Variants in HTR2C observed in about 807,000 individuals in gnomAD.
HTR2C encodes 5-hydroxytryptamine receptor 2C, also known as 5-hydroxytryptamine (serotonin) receptor 2C, G protein-coupled.
A neutral mutation model predicts 21.0 loss-of-function variants in HTR2C; 5 were observed. The ratio of observed to expected loss-of-function variants is 0.24; its 90% CI spans 0.12 to 0.50. The LOEUF (loss-of-function observed/expected upper bound fraction) is 0.50. HTR2C is among the 20% of genes least tolerant of loss of function. The pLI, the probability that HTR2C is intolerant of heterozygous loss-of-function variation, is 0.98. For missense variants in HTR2C, 271 were observed against 371.2 expected (o/e 0.73, Z 2.22); for synonymous variants, 150 against 145.3 (o/e 1.03, Z -0.23).
Position 114,879,748 on chromosome X carries a change from C to T in HTR2C, c.551-26841C>T, listed in dbSNP as rs149813310. Among the ~76,000 whole-genome samples, 329 of 111,070 alleles carry T rather than the reference C, an allele frequency of 3.0e-3. 2 individuals carry two copies. The highest frequency in any genetic ancestry group is 0.01 in the African/African-American group (313 of 30,785). On this transcript the variant is annotated intron_variant, in intron 5 of 5. Coordinates refer to ENST00000276198, the MANE Select transcript of HTR2C (RefSeq NM_000868.4). ...AAATAGTCTGCAGTTCCATCCAGTT[C>T]GCTGCAAATGCCATTAATTTGTTCC...
At chrX:114,797,482 T>C (rs1164812907) in intron 4 of HTR2C, among the ~76,000 whole-genome samples, 7 of 111,749 alleles carry the variant, frequency 6.3e-5, no homozygotes, top group Non-Finnish European at 1.1e-4. Flanking sequence ...TGGTCAACAC[T>C]GTGTCTTGAA....
At chrX:114,604,381 G>A (rs1245379940) in intron 1 of HTR2C, among the ~76,000 whole-genome samples, 31 of 109,591 alleles carry the variant, frequency 2.8e-4, no homozygotes, top group South Asian at 4.0e-4. Flanking sequence ...AAGCCTGGCC[G>A]TCAATACCCA....
intron 2 of HTR2C, among the ~76,000 whole-genome samples, chrX:114,671,405 C>T (rs1453025314): frequency 8.9e-6 from 1 of 112,056 alleles, no homozygotes. Flanking sequence ...TATTATTAAT[C>T]TCAATGACAA....
At chrX:114,746,934 G>A (rs1313070189) in intron 4 of HTR2C, among the ~76,000 whole-genome samples, 4 of 111,141 alleles carry the variant, frequency 3.6e-5, no homozygotes, top group African/African-American at 9.8e-5. Flanking sequence ...GCAGTGAGCC[G>A]AGATCGAGCC....
intron 4 of HTR2C, among the ~76,000 whole-genome samples, chrX:114,784,151 A>C (rs1156873937): frequency 9.1e-6 from 1 of 110,337 alleles, no homozygotes; most frequent in East Asian, 2.8e-4. Flanking sequence ...AAAAAAAAAA[A>C]AGACAGACAA....
intron 4 of HTR2C, among the ~76,000 whole-genome samples, chrX:114,792,445 T>G (rs1291838819): frequency 2.7e-5 from 3 of 111,856 alleles, no homozygotes; most frequent in Non-Finnish European, 5.6e-5. Flanking sequence ...GCAAAGGACA[T>G]GATCTCATTC....
chrX:114,603,795 C>G (rs1928256943), intron 1 of HTR2C, among the ~76,000 whole-genome samples: 1 of 82,952 alleles, frequency 1.2e-5, no homozygotes, highest in Non-Finnish European at 2.3e-5. Flanking sequence ...AGATCCAGAA[C>G]AGAATAATGG....
At chrX:114,588,270 T>C (rs1927484440) in intron 1 of HTR2C, among the ~76,000 whole-genome samples, 1 of 112,301 alleles carries the variant, frequency 8.9e-6, no homozygotes. Flanking sequence ...TGGTTTTCCA[T>C]ATAACTTGAA....
At chrX:114,763,617 C>T (rs1489256835) in intron 4 of HTR2C, among the ~76,000 whole-genome samples, 1 of 111,383 alleles carries the variant, frequency 9.0e-6, no homozygotes, top group East Asian at 2.8e-4. Context: ...GCCTTAATTC[C>T]TGTCCTCAGG....
chrX:114,748,293 A>G (rs2069725091), intron 4 of HTR2C, among the ~76,000 whole-genome samples: 1 of 112,265 alleles, frequency 8.9e-6, no homozygotes, highest in Admixed American at 9.5e-5. Context: ...ATATATCCTG[A>G]TTATGGATTA....
chrX:114,656,979 A>G (rs1214609438), intron 2 of HTR2C, among the ~76,000 whole-genome samples: 1 of 111,484 alleles, frequency 9.0e-6, no homozygotes, highest in Non-Finnish European at 1.9e-5. Flanking sequence ...AGAAATAAAT[A>G]TTATATAACA....
At position 114,892,385 on chromosome X, in the gene HTR2C, C is replaced by G. The variant is rs1011187873; in HGVS notation, c.551-14204C>G. Among the ~76,000 whole-genome samples, 7 of 111,322 alleles carry G rather than the reference C, an allele frequency of 6.3e-5. No individual in the cohort carries two copies. The Admixed American group carries it at 6.7e-4, about 11-fold the overall frequency. On this transcript the variant is annotated intron_variant, in intron 5 of 5. Transcript: ENST00000276198. ...AGCAATTTCAATTTTCTGTTTCTTT[C>G]CATTTTGTTTCACTTTAATTCATAG... is the stretch of plus-strand genomic sequence containing the variant.
intron 4 of HTR2C, among the ~76,000 whole-genome samples, chrX:114,847,442 TG>T (rs1307913125): frequency 4.8e-4 from 8 of 16,836 alleles, no homozygotes; most frequent in African/African-American, 1.0e-3. Flanking sequence ...TGTTGTGGGG[TG>T]GGGGGAGGGG....
At chrX:114,789,251 G>A (rs1419586673) in intron 4 of HTR2C, among the ~76,000 whole-genome samples, 2 of 112,045 alleles carry the variant, frequency 1.8e-5, no homozygotes, top group Non-Finnish European at 3.8e-5. Flanking sequence ...GATTTTAGCT[G>A]TGCCACAGAA....
intron 4 of HTR2C, among the ~76,000 whole-genome samples, chrX:114,822,252 A>G (rs1313944954): frequency 8.9e-6 from 1 of 112,196 alleles, no homozygotes; most frequent in Non-Finnish European, 1.9e-5. Context: ...TCTTGTAAAT[A>G]AAATACCAGA....
intron 4 of HTR2C, among the ~76,000 whole-genome samples, chrX:114,745,818 G>A (rs989305506): frequency 4.5e-5 from 5 of 111,561 alleles, no homozygotes; most frequent in African/African-American, 1.6e-4. Context: ...AGGGTAGTGG[G>A]GGGGGATGGG....
intron 2 of HTR2C, among the ~76,000 whole-genome samples, chrX:114,644,829 T>C (rs1372155581): frequency 1.8e-5 from 2 of 111,026 alleles, no homozygotes; most frequent in African/African-American, 6.6e-5. Flanking sequence ...AGTTCTTAGT[T>C]CTTAATGCTG....
chrX:114,888,697 A>G (rs2071238627), intron 5 of HTR2C, among the ~76,000 whole-genome samples: 1 of 111,853 alleles, frequency 8.9e-6, no homozygotes, highest in Non-Finnish European at 1.9e-5. Context: ...TTCCTTGAAC[A>G]AATGTTTCTT....
At chrX:114,770,802 C>CTTT (rs2069993095) in intron 4 of HTR2C, among the ~76,000 whole-genome samples, 1 of 30,323 alleles carries the variant, frequency 3.3e-5, no homozygotes, top group Non-Finnish European at 5.9e-5. Flanking sequence ...TTTCTTTCTT[C>CTTT]CTTTTTTTTT....
Sources: gnomAD v4.1 joint callset for allele counts (sites outside exome capture counted in the v4.1 genomes callset) on GRCh38, gnomAD v4.1.1 for gene constraint, MANE v1.5 for transcripts, NCBI Gene and HGNC (gene_info 2026-07-23, HGNC 2026-07-21) for gene names.